The following HTR6 variants were observed in gnomAD, a reference collection of about 807,000 sequenced individuals.
HTR6 encodes 5-hydroxytryptamine receptor 6, also known as 5-hydroxytryptamine (serotonin) receptor 6, G protein-coupled.
In HTR6, 15 loss-of-function variants were observed where a neutral mutation model predicts 17.4. That is an observed-to-expected ratio of 0.86 (90% CI 0.58 to 1.33). The LOEUF is 1.33. HTR6 is among the 40% of genes most tolerant of loss of function. The pLI is 0.00. For synonymous variants in HTR6, 326 were observed against 295.5 expected (o/e 1.10, Z -1.06); for missense variants, 578 against 616.0 (o/e 0.94, Z 0.65).
chr1:19,673,696 C>A (rs547709038), intron 1 of HTR6, among the ~76,000 whole-genome samples: 177 of 152,104 alleles, frequency 1.2e-3, no homozygotes, highest in African/African-American at 4.0e-3. Context: ...GAGACTTCGT[C>A]TCAAAAAATA....
chr1:19,669,450 G>A (rs2095085202), intron 1 of HTR6, among the ~76,000 whole-genome samples: 1 of 152,212 alleles, frequency 6.6e-6, no homozygotes, highest in Non-Finnish European at 1.5e-5. Flanking sequence ...AGAGCGAGAG[G>A]TGACTTGCCC....
intron 1 of HTR6, among the ~76,000 whole-genome samples, chr1:19,673,860 CTTTTTT>C (rs549470101): frequency 9.4e-5 from 12 of 128,324 alleles, no homozygotes; most frequent in East Asian, 2.2e-4. Flanking sequence ...CCTTCTAGGT[CTTTTTT>C]TTTTTTTTTT....
In HTR6 at chr1:19,679,245, T is replaced by A; in HGVS notation, c.1200T>A (p.Leu400=). 1 of 1,586,730 alleles carries A rather than the reference T, an allele frequency of 6.3e-7. No individual in the cohort carries two copies. ...SGLRLTAQLL[L]PGEATQDPPL... is the part of the protein sequence containing the mutation. ...TGCGGCTCACGGCCCAGCTGCTGCT[T>A]CCTGGCGAGGCCACCCAGGACCCCC... is the stretch of plus-strand genomic sequence containing the variant. The change falls in exon 3 of 3, where the codon CTT becomes CTA. Residue 400 remains leucine (L), a synonymous_variant. Transcript: ENST00000289753. The surrounding 1 kb of genome is among the most constrained non-coding windows in gnomAD (Gnocchi z 4.9).
intron 2 of HTR6, 55 bp from the exon 3 acceptor site, chr1:19,678,864 A>C: frequency 2.6e-6 from 4 of 1,559,452 alleles, no homozygotes; most frequent in Non-Finnish European, 2.6e-6. Context: ...CATGCTGGGA[A>C]GGGTGGCCTG....
In HTR6 at chr1:19,679,310, A is replaced by G; in HGVS notation, c.1265A>G (p.Asn422Ser). 1 of 1,608,302 alleles carries G rather than the reference A, an allele frequency of 6.2e-7. No individual in the cohort carries two copies. The highest frequency in any genetic ancestry group is 8.5e-7 in the Non-Finnish European group (1 of 1,178,020). Residue 422 changes from asparagine to serine, a missense_variant, in exon 3 of 3, where the codon AAC becomes AGC. By Grantham distance (46) the Asn-to-Ser change is conservative. Transcript: ENST00000289753. This position sits in a 1 kb window ranked among gnomAD's most constrained non-coding sequence, Gnocchi z 4.9. ...TRAAAAVNFF[N>S]IDPAEPELRP... is the part of the protein sequence containing the mutation. ...GCCGCTGCCGCCGTCAATTTCTTCAACATCGACCCCGCGGAGCCCGAGCTG... is the reference window on the plus strand; with the variant it reads ...GCCGCTGCCGCCGTCAATTTCTTCAGCATCGACCCCGCGGAGCCCGAGCTG...
At chr1:19,667,425 G>GT (rs1054972780) in intron 1 of HTR6, among the ~76,000 whole-genome samples, 12 of 150,552 alleles carry the variant, frequency 8.0e-5, no homozygotes, top group Non-Finnish European at 1.2e-4. Context: ...TTTTGTTTTT[G>GT]TTTTTTTTGA....
intron 2 of HTR6, 36 bp from the exon 3 acceptor site, chr1:19,678,883 C>T (rs199778598): frequency 2.0e-5 from 31 of 1,566,310 alleles, no homozygotes; most frequent in Non-Finnish European, 2.6e-5. Context: ...TGGGTCCCTG[C>T]CCTGGGACCA....
In HTR6 at chr1:19,679,402, T is replaced by C. The variant is rs139333253; in HGVS notation, c.*34T>C. 44 of 1,532,736 alleles carry C rather than the reference T, an allele frequency of 2.9e-5. No homozygotes were observed. The African/African-American group carries it at 5.6e-4, about 20-fold the overall frequency. The allele number at this position is 1,532,736 out of a possible 1,614,324, so 94.9% of individuals were successfully genotyped here. A position where few individuals can be genotyped will look rare whatever the true frequency, so the allele number is the denominator to read the frequency against. On this transcript the variant is annotated 3_prime_UTR_variant, in exon 3 of 3. Coordinates refer to ENST00000289753, the MANE Select transcript of HTR6 (RefSeq NM_000871.3). The surrounding 1 kb of genome is among the most constrained non-coding windows in gnomAD (Gnocchi z 4.9). ...TGGGGCTGGCCAATGGGGAGCTGGA[T>C]TGAGCAGAACCCAGACCCTGAGTCC...
chr1:19,670,452 A>G (rs2095086796), intron 1 of HTR6, among the ~76,000 whole-genome samples: 1 of 145,404 alleles, frequency 6.9e-6, no homozygotes, highest in Non-Finnish European at 1.5e-5. Context: ...GAGGGTGGGG[A>G]ACTTGTTTTT....
intron 1 of HTR6, among the ~76,000 whole-genome samples, chr1:19,677,695 G>C (rs754796044): frequency 3.9e-5 from 6 of 152,202 alleles, no homozygotes; most frequent in Non-Finnish European, 7.3e-5. Context: ...GCTCTGGACA[G>C]TAACAGGTCC....
At chr1:19,677,140 G>C (rs1282613338) in intron 1 of HTR6, among the ~76,000 whole-genome samples, 1 of 152,122 alleles carries the variant, frequency 6.6e-6, no homozygotes, top group Non-Finnish European at 1.5e-5. Flanking sequence ...TGAACCTTCT[G>C]GAAGTGTGAA....
At chr1:19,672,478 C>G (rs1332074939) in intron 1 of HTR6, among the ~76,000 whole-genome samples, 2 of 152,222 alleles carry the variant, frequency 1.3e-5, no homozygotes, top group Admixed American at 1.3e-4. Flanking sequence ...CAGGGAGAGG[C>G]TGGCAGAGTG....
At chr1:19,677,515 C>G (rs2095095792) in intron 1 of HTR6, among the ~76,000 whole-genome samples, 1 of 152,054 alleles carries the variant, frequency 6.6e-6, no homozygotes, top group Non-Finnish European at 1.5e-5. Context: ...TATAAAATGC[C>G]AAGGTAACCA....
At chr1:19,673,978 C>A (rs927785232) in intron 1 of HTR6, among the ~76,000 whole-genome samples, 2 of 151,646 alleles carry the variant, frequency 1.3e-5, no homozygotes, top group South Asian at 4.2e-4. Context: ...GGTGATCCTC[C>A]CACGTCAACC....
intron 1 of HTR6, among the ~76,000 whole-genome samples, chr1:19,667,401 G>C (rs1165130652): frequency 6.6e-6 from 1 of 151,722 alleles, no homozygotes; most frequent in African/African-American, 2.4e-5. Context: ...CAGTTTTTTT[G>C]CTTTTTTTTT....
intron 2 of HTR6, 61 bp from the exon 3 acceptor site, chr1:19,678,858 C>A: frequency 6.4e-7 from 1 of 1,559,108 alleles, no homozygotes; most frequent in South Asian, 1.2e-5. Flanking sequence ...TCCATACATG[C>A]TGGGAAGGGT....
intron 1 of HTR6, among the ~76,000 whole-genome samples, chr1:19,674,726 G>A (rs578030556): frequency 6.6e-6 from 1 of 152,322 alleles, no homozygotes; most frequent in East Asian, 1.9e-4. Flanking sequence ...TTCTTTTGAT[G>A]GACATTAAGG....
In HTR6 at chr1:19,671,358, T is replaced by C. The variant is rs866264546; in HGVS notation, c.714+4891T>C. Among the ~76,000 whole-genome samples the C allele has an allele frequency of 5.9e-5, 9 of 152,246 alleles. No homozygotes were observed. The South Asian group carries it at 1.2e-3, about 21-fold the overall frequency. On this transcript the variant is annotated intron_variant, in intron 1 of 2. Coordinates refer to ENST00000289753, the MANE Select transcript of HTR6 (RefSeq NM_000871.3). ...ATCCCCCCGCTTTCTGGAAAGCCCA[T>C]TCTCTTGGTTTGAACGTGACGTGTG...
Position 19,666,565 on chromosome 1 carries a change from C to T in HTR6, c.714+98C>T, listed in dbSNP as rs930137682. On this transcript the variant is annotated intron_variant, in intron 1 of 2. Coordinates refer to ENST00000289753, the MANE Select transcript of HTR6 (RefSeq NM_000871.3). This position sits in a 1 kb window ranked among gnomAD's most constrained non-coding sequence, Gnocchi z 4.5. ...CATCCCCACTTAGCACACATTTGCT[C>T]ATGGCCCTGCGTGGCTGTTGTGAGC... 5.6e-6 allele frequency: 5 copies of T among 889,284 alleles called. No individual in the cohort carries two copies. The highest frequency in any genetic ancestry group is 3.5e-5 in the South Asian group (2 of 57,354). 55.1% of individuals were successfully genotyped at this position (889,284 alleles called of 1,614,324 possible).
Sources: allele counts gnomAD v4.1 joint callset (sites outside exome capture counted in the v4.1 genomes callset), GRCh38; gene constraint gnomAD v4.1.1; non-coding constraint Gnocchi (gnomAD v3.1); transcripts MANE v1.5; gene names NCBI Gene and HGNC (gene_info 2026-07-23, HGNC 2026-07-21).